The following DNAH12 variants were observed in gnomAD, a reference collection of about 807,000 sequenced individuals.
The protein encoded by DNAH12 is dynein axonemal heavy chain 12.
A neutral mutation model predicts 371.5 loss-of-function variants in DNAH12; 285 were observed. The observed-to-expected ratio is 0.77, with a 90% CI of 0.70 to 0.85. The LOEUF is 0.85. DNAH12 is among the 40% of genes least tolerant of loss of function. The pLI is 0.00. For synonymous variants in DNAH12, 1,200 were observed against 1,213.0 expected (o/e 0.99, Z 0.22); for missense variants, 3,611 against 3,689.4 (o/e 0.98, Z 0.55).
At chr3:57,437,140 T>C (rs1575598996) in intron 29 of DNAH12, 80 bp from the exon 30 acceptor site, 1 of 897,880 alleles carries the variant, frequency 1.1e-6, no homozygotes, top group Non-Finnish European at 1.6e-6. Context: ...AGATTTTAAA[T>C]TTACTAGTTA....
At chr3:57,409,772 G>T (rs543029281) in intron 39 of DNAH12, among the ~76,000 whole-genome samples, 1 of 152,220 alleles carries the variant, frequency 6.6e-6, no homozygotes, top group East Asian at 1.9e-4. Context: ...GCATACTGAG[G>T]AATAGAAAAG....
At chr3:57,548,270 A>G (rs1030977384), upstream of DNAH12, among the ~76,000 whole-genome samples, 5 of 152,198 alleles carry the variant, frequency 3.3e-5, no homozygotes, top group Non-Finnish European at 7.3e-5. Context: ...TACATATCAA[A>G]TAAGCCTAAT....
At chr3:57,500,385 C>T (rs4681988) in intron 11 of DNAH12, among the ~76,000 whole-genome samples, 101,696 of 151,986 alleles carry the variant, frequency 0.67, 34,253 homozygotes, top group South Asian at 0.75. Flanking sequence ...ATTACTTCCA[C>T]AGCGAAAAAC....
intron 35 of DNAH12, 42 bp from the exon 36 acceptor site, chr3:57,421,748 A>G: frequency 6.5e-7 from 1 of 1,549,560 alleles, no homozygotes; most frequent in Non-Finnish European, 8.7e-7. Flanking sequence ...AATTATTTTA[A>G]AAGGCATTTT....
chr3:57,423,080 A>G (rs2064642954), intron 35 of DNAH12, among the ~76,000 whole-genome samples: 1 of 152,198 alleles, frequency 6.6e-6, no homozygotes, highest in African/African-American at 2.4e-5. Context: ...TGCTATGGAA[A>G]AGTGGGGAAA....
rs779411111 is a variant in DNAH12 at position 57,504,028 on chromosome 3, G to A, written c.1074C>T (p.Ala358=). The A allele has an allele frequency of 1.9e-5, 30 of 1,611,996 alleles. No homozygotes were observed. The highest frequency in any genetic ancestry group is 1.0e-4 in the Admixed American group (6 of 59,828). ...AAAGATGTAATACCTGCAGAGCTTCGGCTATTCGTTCCACCAAACTCAAGA... is the reference window on the plus strand; with the variant it reads ...AAAGATGTAATACCTGCAGAGCTTCAGCTATTCGTTCCACCAAACTCAAGA... ...DNVLSLVERI[A]EALQNVQTIP... is the part of the protein sequence containing the mutation. The change falls in exon 9 of 74, where the codon GCC becomes GCT. Residue 358 remains alanine (A), a synonymous_variant. Coordinates refer to ENST00000495027, the MANE Select transcript of DNAH12 (RefSeq NM_001366028.2).
chr3:57,294,176 C>CTTTTTTTT (rs62779960), intron 73 of DNAH12, among the ~76,000 whole-genome samples: 1 of 129,104 alleles, frequency 7.7e-6, no homozygotes, highest in Non-Finnish European at 1.6e-5. Context: ...CTTTTCTTTT[C>CTTTTTTTT]TTTTTTTTTT....
intron 58 of DNAH12, among the ~76,000 whole-genome samples, chr3:57,358,376 C>G (rs2062846983): frequency 6.6e-6 from 1 of 152,112 alleles, no homozygotes; most frequent in Non-Finnish European, 1.5e-5. Flanking sequence ...GAGGGAAGCA[C>G]AGAATGACCA....
At chr3:57,355,539 T>C (rs2062778622) in intron 59 of DNAH12, among the ~76,000 whole-genome samples, 1 of 151,498 alleles carries the variant, frequency 6.6e-6, no homozygotes, top group Non-Finnish European at 1.5e-5. Flanking sequence ...TCAATTCTTT[T>C]GGGTATATAC....
intron 59 of DNAH12, 132 bp from the exon 60 acceptor site, chr3:57,352,357 G>T: frequency 2.0e-6 from 2 of 979,376 alleles, no homozygotes; most frequent in Non-Finnish European, 2.9e-6. Context: ...ACACACGAGG[G>T]CATGTAAAAC....
Position 57,468,719 on chromosome 3 carries a change from A to C in DNAH12, c.2349+17T>G. Reference sequence around the variant, plus strand: ...AAGATAGCTATAATATTAAAATGTTATTATATATATTTATACCTTAAAAGC... The same window carrying C: ...AAGATAGCTATAATATTAAAATGTTCTTATATATATTTATACCTTAAAAGC... On this transcript the variant is annotated intron_variant, in intron 17 of 73. Transcript: ENST00000495027. The C allele has an allele frequency of 7.7e-7, 1 of 1,304,074 alleles. No individual in the cohort carries two copies. Among genetic ancestry groups the C allele is most frequent in the Middle Eastern group, 2.5e-4 (1 of 3,998 alleles). The allele number at this position is 1,304,074 out of a possible 1,614,324, so 80.8% of individuals were successfully genotyped here. A position where few individuals can be genotyped will look rare whatever the true frequency, so the allele number is the denominator to read the frequency against.
At chr3:57,446,492 G>A (rs1187975501) in intron 26 of DNAH12, 45 bp downstream of exon 26, 1 of 1,495,278 alleles carries the variant, frequency 6.7e-7, no homozygotes, top group Non-Finnish European at 8.9e-7. Context: ...AGACCTAGCT[G>A]TAAGTTTGAA....
chr3:57,381,029 A>G (rs2063379147), intron 50 of DNAH12, among the ~76,000 whole-genome samples: 1 of 152,154 alleles, frequency 6.6e-6, no homozygotes, highest in Non-Finnish European at 1.5e-5. Flanking sequence ...ACTCTTTCAA[A>G]TAAGAAAAGT....
At chr3:57,404,939 A>G (rs1553680498) in intron 42 of DNAH12, 30 bp downstream of exon 42, 2 of 1,441,632 alleles carry the variant, frequency 1.4e-6, no homozygotes, top group East Asian at 5.6e-5. Context: ...ACAGATAGCA[A>G]TTTCAAGCAT....
chr3:57,474,656 T>C (rs2066467777), intron 13 of DNAH12, among the ~76,000 whole-genome samples: 1 of 151,640 alleles, frequency 6.6e-6, no homozygotes, highest in Non-Finnish European at 1.5e-5. Flanking sequence ...GGTATTAAAT[T>C]AGTATATAAA....
At chr3:57,451,397 G>A (rs2065751474) in intron 25 of DNAH12, among the ~76,000 whole-genome samples, 1 of 152,188 alleles carries the variant, frequency 6.6e-6, no homozygotes. Context: ...TTGGAAGGCT[G>A]AGGCAGGCAG....
chr3:57,509,142 A>G lies in DNAH12; in HGVS notation c.540T>C (p.Pro180=), dbSNP rs775808730. 8 of 1,610,340 alleles carry G rather than the reference A, an allele frequency of 5.0e-6. No individual in the cohort carries two copies. The highest frequency in any genetic ancestry group is 6.8e-6 in the Non-Finnish European group (8 of 1,178,782). Residue 180 remains proline (P), a splice_region_variant and synonymous_variant, in exon 6 of 74, where the codon CCT becomes CCC. Transcript: ENST00000495027. The part of the protein sequence containing the change: ...EDEGGPLPES[P]VGLDYSNPWH... ...TGTTTTTAAAATAATTTACTCACACAGGAGATTCAGGTAAAGGACCTCCTT... is the reference window on the plus strand; with the variant it reads ...TGTTTTTAAAATAATTTACTCACACGGGAGATTCAGGTAAAGGACCTCCTT...
intron 62 of DNAH12, among the ~76,000 whole-genome samples, chr3:57,331,871 C>T (rs1173493346): frequency 6.6e-6 from 1 of 152,042 alleles, no homozygotes; most frequent in Non-Finnish European, 1.5e-5. Flanking sequence ...ATCTGATCGC[C>T]CTCCATATCT....
intron 58 of DNAH12, among the ~76,000 whole-genome samples, chr3:57,360,613 G>C (rs1017309860): frequency 6.6e-6 from 1 of 152,032 alleles, no homozygotes; most frequent in Non-Finnish European, 1.5e-5. Context: ...GCTTGAACTC[G>C]GAGGCGAAGG....
Sources: gnomAD v4.1 joint callset for allele counts (sites outside exome capture counted in the v4.1 genomes callset) on GRCh38, gnomAD v4.1.1 for gene constraint, MANE v1.5 for transcripts, NCBI Gene and HGNC (gene_info 2026-07-23, HGNC 2026-07-21) for gene names.